PFKFB3: variants seen among roughly 807,000 people sequenced by gnomAD.
PFKFB3 encodes the protein 6-phosphofructo-2-kinase/fructose-2,6-biphosphatase 3.
In PFKFB3, 33 loss-of-function variants were observed where a neutral mutation model predicts 68.0. The observed-to-expected ratio is 0.49, with a 90% CI of 0.37 to 0.65. The LOEUF is 0.65. Ranked by LOEUF, PFKFB3 falls within the 30% of genes least tolerant of loss-of-function variation. The probability of loss-of-function intolerance (pLI) is 0.00; values close to 1 mark genes in which losing one functional copy is unlikely to be tolerated. For synonymous variants in PFKFB3, 315 were observed against 288.2 expected (o/e 1.09, Z -0.94); for missense variants, 586 against 712.2 (o/e 0.82, Z 2.02).
intron 1 of PFKFB3, among the ~76,000 whole-genome samples, chr10:6,209,715 T>TCTG (rs1844030147): frequency 6.6e-6 from 1 of 151,728 alleles, no homozygotes; most frequent in African/African-American, 2.4e-5. Context: ...TCTGCCCTCC[T>TCTG]CTGCTGCCCA....
At chr10:6,323,972 G>C in the PFKFB3 span, among the ~76,000 whole-genome samples, 1 of 152,160 alleles carries the variant, frequency 6.6e-6, no homozygotes, top group African/African-American at 2.4e-5. Flanking sequence ...TTAATCACAA[G>C]AGCCAAAAGG....
At chr10:6,204,754 C>T (rs1381128848) in intron 1 of PFKFB3, among the ~76,000 whole-genome samples, 4 of 152,212 alleles carry the variant, frequency 2.6e-5, no homozygotes, top group Non-Finnish European at 5.9e-5. Context: ...CTCTTAAATC[C>T]CCAGGGAGGT....
rs1829826895 is a variant in PFKFB3 at position 6,202,957 on chromosome 10, G to T, written c.-304G>T. The T allele has an allele frequency of 7.9e-7, 1 of 1,266,100 alleles. No individual in the cohort carries two copies. The highest frequency in any genetic ancestry group is 3.9e-5 in the East Asian group (1 of 25,502). The allele number at this position is 1,266,100 out of a possible 1,614,324, so 78.4% of individuals were successfully genotyped here. A position where few individuals can be genotyped will look rare whatever the true frequency, so the allele number is the denominator to read the frequency against. On this transcript the variant is annotated 5_prime_UTR_variant, in exon 1 of 15. Transcript: ENST00000379775. ...AGCCAAGCCGGAGAGGAGGCGAGCA[G>T]CAGGGCCTGGTGGCGAGAGCGCGGC...
At chr10:6,310,291 AT>A in the PFKFB3 span, among the ~76,000 whole-genome samples, 5 of 151,076 alleles carry the variant, frequency 3.3e-5, no homozygotes, top group African/African-American at 1.2e-4. Flanking sequence ...TCTCGTTGGG[AT>A]TTTTTTTTCT....
At chr10:6,254,047 A>C (rs1417668975) in intron 14 of PFKFB3, 1 of 392,066 alleles carries the variant, frequency 2.6e-6, no homozygotes, top group Non-Finnish European at 4.5e-6. Flanking sequence ...GTCTCAAAAA[A>C]AGGGTGATGA....
chr10:6,302,366 T>G, the PFKFB3 span, among the ~76,000 whole-genome samples: 1 of 9,566 alleles, frequency 1.0e-4, no homozygotes, highest in African/African-American at 1.3e-4. Flanking sequence ...TGGCCAGTTT[T>G]TTTTTTTTTT....
the PFKFB3 span, among the ~76,000 whole-genome samples, chr10:6,270,929 CAAAT>C: frequency 6.6e-6 from 1 of 152,178 alleles, no homozygotes; most frequent in Non-Finnish European, 1.5e-5. Context: ...AAATATTTGC[CAAAT>C]AAATGAAGGA....
chr10:6,224,181 G>A lies in PFKFB3; in HGVS notation c.1309G>A (p.Glu437Lys). The change falls in exon 13 of 15, where the codon GAG becomes AAG. Residue 437 changes from glutamate (E) to lysine (K), a missense_variant. Coordinates refer to ENST00000379775, the MANE Select transcript of PFKFB3 (RefSeq NM_004566.4). ...CRVESIYLNVESVCTHRERSE... is the reference protein window; with the variant it reads ...CRVESIYLNVKSVCTHRERSE... The stretch of plus-strand genomic sequence containing the variant: ...TGTGGAATCCATCTACCTGAACGTG[G>A]AGTCCGTCTGCACACACCGGGAGAG... The A allele has an allele frequency of 6.2e-7, 1 of 1,614,138 alleles. No homozygotes were observed. The highest frequency in any genetic ancestry group is 8.5e-7 in the Non-Finnish European group (1 of 1,180,006).
chr10:6,318,421 G>A, the PFKFB3 span, among the ~76,000 whole-genome samples: 88,853 of 152,016 alleles, frequency 0.58, 26,203 homozygotes, highest in African/African-American at 0.61. Context: ...TTTATCCCTC[G>A]GAAACTCAGA....
intron 1 of PFKFB3, among the ~76,000 whole-genome samples, chr10:6,189,553 C>T (rs1842970513): frequency 6.7e-6 from 1 of 148,414 alleles, no homozygotes; most frequent in Non-Finnish European, 1.5e-5. Flanking sequence ...CTCGCTCTGT[C>T]ACCCAGGCTG....
intron 1 of PFKFB3, among the ~76,000 whole-genome samples, chr10:6,156,546 G>C (rs140415576): frequency 0.01 from 1,499 of 149,120 alleles, 58 homozygotes; most frequent in East Asian, 0.07. Flanking sequence ...CTCGCTCTGC[G>C]GCCCAGGCTG....
chr10:6,163,191 G>A (rs1464297167), intron 1 of PFKFB3, among the ~76,000 whole-genome samples: 1 of 152,124 alleles, frequency 6.6e-6, no homozygotes, highest in African/African-American at 2.4e-5. Flanking sequence ...ACCGAGTTGA[G>A]GGAGATCAGA....
chr10:6,216,316 CA>C, intron 4 of PFKFB3, 125 bp downstream of exon 4: 2 of 929,572 alleles, frequency 2.2e-6, no homozygotes, highest in Non-Finnish European at 3.5e-6. Context: ...GTGGCCAGGG[CA>C]GCCCAATGGC....
intron 4 of PFKFB3, 61 bp downstream of exon 4, chr10:6,216,252 G>T: frequency 6.8e-7 from 1 of 1,469,372 alleles, no homozygotes; most frequent in Non-Finnish European, 9.5e-7. Context: ...TGTCCTCACC[G>T]GCCTGGGGTG....
rs1334006506 is a variant in PFKFB3 at position 6,220,222 on chromosome 10, C to G, written c.624-436C>G. On this transcript the variant is annotated intron_variant, in intron 7 of 14. Coordinates refer to ENST00000379775, the MANE Select transcript of PFKFB3 (RefSeq NM_004566.4). This position sits in a 1 kb window ranked among gnomAD's most constrained non-coding sequence, Gnocchi z 4.1. ...GCTCAAGTAATCCTACCGCCTCAGCCTCATGAGTAACTGGGACTACAGGTG... is the reference window on the plus strand; with the variant it reads ...GCTCAAGTAATCCTACCGCCTCAGCGTCATGAGTAACTGGGACTACAGGTG... Among the ~76,000 whole-genome samples, 3 of 151,936 alleles carry G rather than the reference C, an allele frequency of 2.0e-5. No homozygotes were observed. The highest frequency in any genetic ancestry group is 2.1e-4 in the South Asian group (1 of 4,816).
downstream of PFKFB3, among the ~76,000 whole-genome samples, chr10:6,238,248 T>C (rs908727959): frequency 1.3e-5 from 2 of 152,088 alleles, no homozygotes; most frequent in Non-Finnish European, 2.9e-5. Context: ...CGCTGCAACC[T>C]CCACCTCCCA....
chr10:6,215,918 G>A lies in PFKFB3; in HGVS notation c.300-207G>A, dbSNP rs566244661. ...CCGCGTGCAGCCCGGTTTGAGCACC[G>A]CCTCCCGAGGGTTCCTGAGGCCACC... On this transcript the variant is annotated intron_variant, in intron 3 of 14. Transcript: ENST00000379775. This position sits in a 1 kb window ranked among gnomAD's most constrained non-coding sequence, Gnocchi z 4.3. 7.2e-5 allele frequency among the ~76,000 whole-genome samples: 11 copies of A among 152,270 alleles called. No homozygotes were observed. In the South Asian group the frequency reaches 1.5e-3, roughly 20 times the overall value.
intron 1 of PFKFB3, among the ~76,000 whole-genome samples, chr10:6,161,014 C>A (rs910289065): frequency 6.6e-6 from 1 of 150,904 alleles, no homozygotes; most frequent in Non-Finnish European, 1.5e-5. Context: ...TGGCTCACTG[C>A]AACCTCCGCT....
intron 14 of PFKFB3, among the ~76,000 whole-genome samples, chr10:6,251,585 C>T (rs1242685994): frequency 6.6e-6 from 1 of 152,126 alleles, no homozygotes; most frequent in African/African-American, 2.4e-5. Flanking sequence ...GAAGATCAAT[C>T]TGGTGGCCAA....
Sources: gnomAD v4.1 joint callset for allele counts (sites outside exome capture counted in the v4.1 genomes callset) on GRCh38, gnomAD v4.1.1 for gene constraint, Gnocchi (gnomAD v3.1) non-coding constraint, MANE v1.5 for transcripts, NCBI Gene and HGNC (gene_info 2026-07-23, HGNC 2026-07-21) for gene names.